Variants in RASA1 observed in about 807,000 individuals in gnomAD.
RASA1 encodes the protein ras GTPase-activating protein 1.
A neutral mutation model predicts 132.2 loss-of-function variants in RASA1; 25 were observed. The ratio of observed to expected loss-of-function variants is 0.19; its 90% CI spans 0.14 to 0.26. The LOEUF is 0.26. RASA1 is among the 10% of genes least tolerant of loss of function. RASA1 has a pLI of 1.00. For missense variants in RASA1, 964 were observed against 1,299.2 expected (o/e 0.74, Z 3.97); for synonymous variants, 477 against 449.9 (o/e 1.06, Z -0.76).
At chr5:87,364,328 T>C (rs1283708863) in intron 11 of RASA1, among the ~76,000 whole-genome samples, 1 of 152,104 alleles carries the variant, frequency 6.6e-6, no homozygotes, top group Non-Finnish European at 1.5e-5. Flanking sequence ...GTTTAGGAGA[T>C]CACATTAGTG....
rs965792590 is a variant in RASA1 at position 87,326,517 on chromosome 5, T to A, written c.540-4831T>A. ...TGTATGTACTTCTTGAATTTCCTCC[T>A]GCTATTCCTTTTCCCCATCTTCCTT... On this transcript the variant is annotated intron_variant, in intron 1 of 24. Coordinates refer to ENST00000274376, the MANE Select transcript of RASA1 (RefSeq NM_002890.3). Among the ~76,000 whole-genome samples, 3 of 152,316 alleles carry A rather than the reference T, an allele frequency of 2.0e-5. No individual in the cohort carries two copies. The South Asian group carries it at 6.2e-4, about 32-fold the overall frequency.
intron 7 of RASA1, among the ~76,000 whole-genome samples, chr5:87,348,659 G>A (rs1437354548): frequency 6.7e-6 from 1 of 149,042 alleles, no homozygotes; most frequent in Non-Finnish European, 1.5e-5. Context: ...TTTTTAAGAT[G>A]CAGGATCTTG....
chr5:87,376,220 C>T (rs552162328), intron 15 of RASA1, 173 bp from the exon 16 acceptor site: 37 of 729,748 alleles, frequency 5.1e-5, no homozygotes, highest in East Asian at 4.6e-4. Context: ...TTTAGTGCAC[C>T]GTAGACACTC....
intron 1 of RASA1, among the ~76,000 whole-genome samples, chr5:87,276,268 A>G (rs547867961): frequency 6.6e-6 from 1 of 152,316 alleles, no homozygotes; most frequent in South Asian, 2.1e-4. Flanking sequence ...GGCTACCATT[A>G]CCTTAATTTT....
At chr5:87,336,768 G>A (rs763186257) in intron 4 of RASA1, among the ~76,000 whole-genome samples, 2 of 151,990 alleles carry the variant, frequency 1.3e-5, no homozygotes, top group Non-Finnish European at 2.9e-5. Context: ...GCTTATTTAG[G>A]TGGTTCTAGA....
chr5:87,322,874 C>T (rs567912879), intron 1 of RASA1, among the ~76,000 whole-genome samples: 1 of 152,148 alleles, frequency 6.6e-6, no homozygotes, highest in Non-Finnish European at 1.5e-5. Context: ...CAGGTCTGGA[C>T]ACTAGGAAGG....
At chr5:87,387,638 G>T (rs550958172) in intron 23 of RASA1, among the ~76,000 whole-genome samples, 2 of 152,086 alleles carry the variant, frequency 1.3e-5, no homozygotes, top group African/African-American at 2.4e-5. Flanking sequence ...AGATTGAGGT[G>T]TCCATGTTCT....
At chr5:87,281,201 G>A (rs150800759) in intron 1 of RASA1, among the ~76,000 whole-genome samples, 1 of 151,420 alleles carries the variant, frequency 6.6e-6, no homozygotes, top group African/African-American at 2.4e-5. Context: ...AGTCCCAGCA[G>A]CAATGCACAA....
chr5:87,361,305 C>A (rs1760074808), intron 9 of RASA1, among the ~76,000 whole-genome samples: 1 of 152,176 alleles, frequency 6.6e-6, no homozygotes, highest in East Asian at 1.9e-4. Context: ...ATTCATTCTT[C>A]TATTTTCTTA....
At chr5:87,342,565 T>G (rs981884800) in intron 6 of RASA1, among the ~76,000 whole-genome samples, 1 of 152,194 alleles carries the variant, frequency 6.6e-6, no homozygotes, top group African/African-American at 2.4e-5. Flanking sequence ...CACAATAATC[T>G]TGATCTTTCT....
chr5:87,320,414 T>C (rs1401343205), intron 1 of RASA1, among the ~76,000 whole-genome samples: 2 of 152,216 alleles, frequency 1.3e-5, no homozygotes, highest in African/African-American at 2.4e-5. Flanking sequence ...GGGTAATTTA[T>C]GAAGAAAAGG....
chr5:87,279,567 A>G lies in RASA1; in HGVS notation c.539+10577A>G, dbSNP rs138003893. Among the ~76,000 whole-genome samples the G allele has an allele frequency of 2.7e-3, 418 of 152,326 alleles. 5 individuals carry two copies. Among genetic ancestry groups the G allele is most frequent in the East Asian group, 8.3e-3 (43 of 5,182 alleles). Reference sequence around the variant, plus strand: ...GTATGATAGTTGCATGTTCACTTTTATAAGAAATTGCCAGCATTTTCTATA... The same window carrying G: ...GTATGATAGTTGCATGTTCACTTTTGTAAGAAATTGCCAGCATTTTCTATA... On this transcript the variant is annotated intron_variant, in intron 1 of 24. Transcript: ENST00000274376.
At chr5:87,271,976 A>G (rs193267179) in intron 1 of RASA1, among the ~76,000 whole-genome samples, 4 of 151,258 alleles carry the variant, frequency 2.6e-5, no homozygotes, top group African/African-American at 9.7e-5. Context: ...AACACGGTGA[A>G]ACCCCGTCTC....
chr5:87,339,243 A>G (rs903967308), intron 5 of RASA1, among the ~76,000 whole-genome samples: 4 of 152,278 alleles, frequency 2.6e-5, no homozygotes, highest in African/African-American at 7.2e-5. Flanking sequence ...GAAGTAAAAC[A>G]TACTGAGTAG....
chr5:87,279,511 G>A (rs1754219012), intron 1 of RASA1, among the ~76,000 whole-genome samples: 1 of 152,082 alleles, frequency 6.6e-6, no homozygotes, highest in African/African-American at 2.4e-5. Context: ...ATTTCTGTCA[G>A]TTAAGTCCCC....
At chr5:87,376,025 G>A (rs565763254) in intron 15 of RASA1, among the ~76,000 whole-genome samples, 3 of 152,236 alleles carry the variant, frequency 2.0e-5, no homozygotes, top group African/African-American at 7.2e-5. Context: ...CCTGTTTAAA[G>A]TGGAGTTTTC....
intron 8 of RASA1, among the ~76,000 whole-genome samples, chr5:87,352,149 C>A (rs1451638858): frequency 2.6e-5 from 4 of 151,558 alleles, no homozygotes; most frequent in African/African-American, 9.7e-5. Flanking sequence ...TTTCACCACA[C>A]CCCTCTGTGG....
In RASA1 at chr5:87,287,029, CAT is replaced by C. The variant is rs577569262; in HGVS notation, c.539+18047_539+18048del. On this transcript the variant is annotated intron_variant, in intron 1 of 24. Coordinates refer to ENST00000274376, the MANE Select transcript of RASA1 (RefSeq NM_002890.3). ...CCATATATATACACCATATATATAC[CAT>C]ATATATACACACCATATATATACCC... 9.2e-4 allele frequency among the ~76,000 whole-genome samples: 127 copies of C among 138,006 alleles called. 1 individual carries two copies. Among genetic ancestry groups the C allele is most frequent in the African/African-American group, 3.0e-3 (110 of 37,052 alleles). 90.5% of individuals were successfully genotyped at this position (138,006 alleles called of 152,430 possible). A position where few individuals can be genotyped will look rare whatever the true frequency, so the allele number is the denominator to read the frequency against.
chr5:87,307,768 C>T (rs1185005921), intron 1 of RASA1, among the ~76,000 whole-genome samples: 1 of 151,570 alleles, frequency 6.6e-6, no homozygotes, highest in East Asian at 1.9e-4. Flanking sequence ...TGTTTTTTTC[C>T]TGAAGTTTTA....
Sources: allele counts gnomAD v4.1 joint callset (sites outside exome capture counted in the v4.1 genomes callset), GRCh38; gene constraint gnomAD v4.1.1; transcripts MANE v1.5; gene names NCBI Gene and HGNC (gene_info 2026-07-23, HGNC 2026-07-21).